DENND1A: variants seen among roughly 807,000 people sequenced by gnomAD.
DENND1A encodes the protein DENN domain containing 1A.
In DENND1A, 51 loss-of-function variants were observed where a neutral mutation model predicts 113.7. The observed-to-expected ratio is 0.45, with a 90% CI of 0.36 to 0.57. DENND1A has a LOEUF of 0.57. Ranked by LOEUF, DENND1A falls within the 20% of genes least tolerant of loss-of-function variation. The pLI is 0.00. For synonymous variants in DENND1A, 565 were observed against 570.8 expected (o/e 0.99, Z 0.14); for missense variants, 1,258 against 1,395.9 (o/e 0.90, Z 1.57).
intron 5 of DENND1A, among the ~76,000 whole-genome samples, chr9:123,747,142 G>A (rs1411353026): frequency 3.3e-5 from 5 of 151,928 alleles, no homozygotes; most frequent in Non-Finnish European, 7.4e-5. Context: ...GTCATCCCAA[G>A]GAGCTTAGAC....
chr9:123,627,517 G>A (rs2061282263), intron 10 of DENND1A, among the ~76,000 whole-genome samples: 1 of 152,174 alleles, frequency 6.6e-6, no homozygotes, highest in Non-Finnish European at 1.5e-5. Flanking sequence ...CGAGGTGGGT[G>A]GATCATGAGG....
intron 2 of DENND1A, among the ~76,000 whole-genome samples, chr9:123,840,502 C>T (rs1227518173): frequency 6.6e-6 from 1 of 152,036 alleles, no homozygotes; most frequent in Non-Finnish European, 1.5e-5. Context: ...GGAGATAACA[C>T]CACCTACCTG....
chr9:123,387,621 C>T lies in DENND1A; in HGVS notation c.1760+109G>A, dbSNP rs575735592. 2.4e-4 allele frequency: 289 copies of T among 1,207,310 alleles called. No individual in the cohort carries two copies. In the African/African-American group the frequency reaches 4.3e-3, roughly 18 times the overall value. The allele number at this position is 1,207,310 out of a possible 1,614,324, so 74.8% of individuals were successfully genotyped here. A position where few individuals can be genotyped will look rare whatever the true frequency, so the allele number is the denominator to read the frequency against. Reference sequence around the variant, plus strand: ...GGCACCGGCAGGCAGCAGCTCCAGACACCCTCCCCCCGACACAAAGGCAAG... The same window carrying T: ...GGCACCGGCAGGCAGCAGCTCCAGATACCCTCCCCCCGACACAAAGGCAAG... On this transcript the variant is annotated intron_variant, in intron 22 of 23. Transcript: ENST00000394215.
chr9:123,807,954 A>C (rs1443594686), intron 2 of DENND1A, among the ~76,000 whole-genome samples: 1 of 152,180 alleles, frequency 6.6e-6, no homozygotes, highest in Non-Finnish European at 1.5e-5. Context: ...GGCCGGGCAC[A>C]GTAGCTCACA....
chr9:123,383,602 G>C (rs973533720), intron 23 of DENND1A, 53 bp downstream of exon 23: 2 of 1,575,710 alleles, frequency 1.3e-6, no homozygotes, highest in East Asian at 2.2e-5. Context: ...ATCCCACCTC[G>C]TGTGCGGACA....
At chr9:123,518,980 G>A (rs1321740424) in intron 13 of DENND1A, among the ~76,000 whole-genome samples, 1 of 152,200 alleles carries the variant, frequency 6.6e-6, no homozygotes, top group African/African-American at 2.4e-5. Flanking sequence ...GCCTAAATCT[G>A]TAACTTCAAC....
intron 1 of DENND1A, among the ~76,000 whole-genome samples, chr9:123,909,860 G>A (rs1853645728): frequency 6.6e-6 from 1 of 151,870 alleles, no homozygotes; most frequent in Non-Finnish European, 1.5e-5. Flanking sequence ...CAACATACAA[G>A]AGAAATCTAC....
At chr9:123,912,239 C>T (rs930351781) in intron 1 of DENND1A, among the ~76,000 whole-genome samples, 1 of 152,040 alleles carries the variant, frequency 6.6e-6, no homozygotes, top group African/African-American at 2.4e-5. Context: ...AAAAACCCTG[C>T]ACATTACATA....
At chr9:123,567,504 C>G (rs1295785779) in intron 12 of DENND1A, among the ~76,000 whole-genome samples, 5 of 152,136 alleles carry the variant, frequency 3.3e-5, no homozygotes, top group South Asian at 2.1e-4. Flanking sequence ...AAGGATTGCT[C>G]TATTTCTAAT....
intron 2 of DENND1A, among the ~76,000 whole-genome samples, chr9:123,855,259 A>G (rs563863996): frequency 6.6e-6 from 1 of 151,282 alleles, no homozygotes; most frequent in South Asian, 2.1e-4. Flanking sequence ...CAGAAAAGAC[A>G]ATTATAATAC....
chr9:123,843,511 G>T, intron 2 of DENND1A: 2 of 271,266 alleles, frequency 7.4e-6, no homozygotes, highest in Non-Finnish European at 7.4e-6. Context: ...ACAATTTCTA[G>T]TTTTGTAGGA....
intron 1 of DENND1A, among the ~76,000 whole-genome samples, chr9:123,891,108 T>C (rs561605552): frequency 9.2e-5 from 14 of 152,284 alleles, no homozygotes; most frequent in Non-Finnish European, 1.8e-4. Flanking sequence ...ACTCCTTGAG[T>C]AGTCCTTTGA....
intron 19 of DENND1A, among the ~76,000 whole-genome samples, chr9:123,438,151 G>A (rs975737147): frequency 3.3e-5 from 5 of 152,164 alleles, no homozygotes; most frequent in Admixed American, 6.5e-5. Context: ...CATGCCTGCC[G>A]GTAGTAGGTG....
At chr9:123,846,508 T>C (rs1842640500) in intron 2 of DENND1A, among the ~76,000 whole-genome samples, 1 of 152,198 alleles carries the variant, frequency 6.6e-6, no homozygotes, top group Non-Finnish European at 1.5e-5. Context: ...AATGGATAAA[T>C]ATTCAGCCAT....
At chr9:123,703,464 T>C (rs1286600090) in intron 5 of DENND1A, among the ~76,000 whole-genome samples, 1 of 152,094 alleles carries the variant, frequency 6.6e-6, no homozygotes, top group Admixed American at 6.6e-5. Flanking sequence ...ATATGCTTCA[T>C]GGTAACTACA....
chr9:123,461,458 G>T (rs1480956427), intron 13 of DENND1A, among the ~76,000 whole-genome samples: 1 of 152,210 alleles, frequency 6.6e-6, no homozygotes, highest in Non-Finnish European at 1.5e-5. Flanking sequence ...TGGCCTGATG[G>T]TAAAGAGGTC....
chr9:123,848,094 C>T (rs1842853581), intron 2 of DENND1A, among the ~76,000 whole-genome samples: 1 of 151,580 alleles, frequency 6.6e-6, no homozygotes, highest in African/African-American at 2.4e-5. Context: ...AAAGTCAAAA[C>T]AATATACAAT....
In DENND1A at chr9:123,703,761, GT is replaced by G. The variant is rs563395242; in HGVS notation, c.303-26973del. On this transcript the variant is annotated intron_variant, in intron 5 of 23. Coordinates refer to ENST00000394215, the MANE Select transcript of DENND1A (RefSeq NM_001352964.2). ...TAAATAAAATTCTAGGAAAGATAAA[GT>G]TAATTGACAATGAAAGAAAACAGAT... 1.2e-4 allele frequency among the ~76,000 whole-genome samples: 18 copies of G among 152,172 alleles called. No homozygotes were observed. The East Asian group carries it at 3.5e-3, about 29-fold the overall frequency.
chr9:123,857,565 G>C (rs1373920775), intron 2 of DENND1A, among the ~76,000 whole-genome samples: 1 of 152,164 alleles, frequency 6.6e-6, no homozygotes, highest in Admixed American at 6.5e-5. Context: ...CACCAGTAAA[G>C]GGCCAAATCA....
Sources: gnomAD v4.1 joint callset for allele counts (sites outside exome capture counted in the v4.1 genomes callset) on GRCh38, gnomAD v4.1.1 for gene constraint, MANE v1.5 for transcripts, NCBI Gene and HGNC (gene_info 2026-07-23, HGNC 2026-07-21) for gene names.